GATAD1: variants seen among roughly 807,000 people sequenced by gnomAD.
The protein encoded by GATAD1 is GATA zinc finger domain-containing protein 1.
GATAD1 carries 12 observed loss-of-function variants against 26.5 expected under a neutral mutation model. That is an observed-to-expected ratio of 0.45 (90% CI 0.29 to 0.73). GATAD1 has a LOEUF of 0.73. Ranked by LOEUF, GATAD1 falls within the 30% of genes least tolerant of loss-of-function variation. The pLI, the probability that GATAD1 is intolerant of heterozygous loss-of-function variation, is 0.10. For missense variants in GATAD1, 266 were observed against 342.1 expected (o/e 0.78, Z 1.75); for synonymous variants, 129 against 133.1 (o/e 0.97, Z 0.21).
At chr7:92,467,365 C>T in the GATAD1 span, among the ~76,000 whole-genome samples, 23,004 of 152,074 alleles carry the variant, frequency 0.15, 1,786 homozygotes, top group Non-Finnish European at 0.17. Context: ...ACTGAGAAAG[C>T]ACATACAAGT....
chr7:92,449,282 A>G (rs1789316009), intron 2 of GATAD1: 1 of 778,358 alleles, frequency 1.3e-6, no homozygotes, highest in Admixed American at 6.1e-5. Context: ...AGAACTCATC[A>G]TTTGCATATT....
the GATAD1 span, chr7:92,471,255 G>T: frequency 6.0e-6 from 1 of 166,932 alleles, no homozygotes. Context: ...TCTTCTCCAG[G>T]GTAATGGCCT....
the GATAD1 span, among the ~76,000 whole-genome samples, chr7:92,480,669 T>TG: frequency 6.6e-6 from 1 of 152,004 alleles, no homozygotes; most frequent in African/African-American, 2.4e-5. Flanking sequence ...GAAGTTTCAA[T>TG]GGGGGAGTAG....
the GATAD1 span, among the ~76,000 whole-genome samples, chr7:92,481,470 G>T: frequency 1.3e-5 from 2 of 152,334 alleles, no homozygotes; most frequent in Middle Eastern, 3.4e-3. Context: ...GCCTCTAAAA[G>T]TATTAGGGCA....
chr7:92,489,585 C>T, the GATAD1 span: 8 of 1,017,524 alleles, frequency 7.9e-6, no homozygotes, highest in Non-Finnish European at 1.2e-5. Context: ...ATAACCATGA[C>T]TGAGTTAATG....
intron 2 of GATAD1, 59 bp downstream of exon 2, chr7:92,448,936 G>A: frequency 6.6e-7 from 1 of 1,522,958 alleles, no homozygotes; most frequent in Non-Finnish European, 9.1e-7. Flanking sequence ...TCCTGCCACT[G>A]CCTTCATTTC....
chr7:92,484,262 G>A, the GATAD1 span, among the ~76,000 whole-genome samples: 2 of 152,164 alleles, frequency 1.3e-5, no homozygotes, highest in African/African-American at 4.8e-5. Flanking sequence ...ACAGGCTAAG[G>A]GAGAAGAAGG....
At chr7:92,476,817 A>T in the GATAD1 span, among the ~76,000 whole-genome samples, 1 of 152,118 alleles carries the variant, frequency 6.6e-6, no homozygotes, top group Non-Finnish European at 1.5e-5. Context: ...GAGGGACACC[A>T]GGGATAAGAC....
chr7:92,473,999 C>A, the GATAD1 span, among the ~76,000 whole-genome samples: 1 of 152,112 alleles, frequency 6.6e-6, no homozygotes, highest in Non-Finnish European at 1.5e-5. Flanking sequence ...GAGGGGGCGG[C>A]TTACTTCTAC....
the GATAD1 span, chr7:92,470,456 A>C: frequency 4.9e-6 from 3 of 615,460 alleles, no homozygotes; most frequent in Non-Finnish European, 8.8e-6. Context: ...AGAGGTTCAC[A>C]GGAATAGCTA....
the GATAD1 span, chr7:92,477,508 G>C: frequency 6.6e-6 from 1 of 152,506 alleles, no homozygotes; most frequent in African/African-American, 2.4e-5. Context: ...GGCAAGCCTC[G>C]TATTCTCTGA....
At chr7:92,449,262 T>C in intron 2 of GATAD1, 1 of 798,734 alleles carries the variant, frequency 1.3e-6, no homozygotes, top group Non-Finnish European at 1.5e-6. Context: ...TCTAAGTAAA[T>C]ATTAACACTA....
the GATAD1 span, chr7:92,489,581 A>G: frequency 9.8e-7 from 1 of 1,015,752 alleles, no homozygotes; most frequent in Non-Finnish European, 1.5e-6. Context: ...GCACATAACC[A>G]TGACTGAGTT....
the GATAD1 span, among the ~76,000 whole-genome samples, chr7:92,490,816 A>G: frequency 5.3e-4 from 80 of 152,188 alleles, 1 homozygote; most frequent in Non-Finnish European, 5.9e-4. Flanking sequence ...CATTTAATCA[A>G]AACACTTTCC....
chr7:92,470,625 A>G, the GATAD1 span: 1 of 412,864 alleles, frequency 2.4e-6, no homozygotes, highest in Non-Finnish European at 4.4e-6. Context: ...ATGGGGAATT[A>G]GAGGGAAGGG....
At chr7:92,489,637 C>G in the GATAD1 span, 1 of 1,352,488 alleles carries the variant, frequency 7.4e-7, no homozygotes, top group Non-Finnish European at 1.1e-6. Context: ...GTTTATAAGT[C>G]AAAGAAATAT....
rs778933082 is a variant in GATAD1, at chr7:92,454,553, G to A, written c.487G>A (p.Gly163Arg). 6.2e-7 allele frequency: 1 copy of A among 1,612,928 alleles called. No homozygotes were observed. The highest frequency in any genetic ancestry group is 1.7e-5 in the Admixed American group (1 of 60,010). Residue 163 changes from glycine to arginine, a missense_variant, in exon 4 of 5, where the codon GGA becomes AGA. Transcript: ENST00000287957. ...TGTTTCTGTGATTGATGAACAAGAT[G>A]GAAAGCCCTACTATGCTCAAATCAG... ...DVVSVIDEQDGKPYYAQIRGF... is the reference protein window; with the variant it reads ...DVVSVIDEQDRKPYYAQIRGF...
chr7:92,449,413 T>C, intron 2 of GATAD1: 1 of 983,598 alleles, frequency 1.0e-6, no homozygotes, highest in Non-Finnish European at 1.2e-6. Flanking sequence ...GAAAAGAGAT[T>C]GTTGAAAGAC....
the GATAD1 span, among the ~76,000 whole-genome samples, chr7:92,481,090 G>C: frequency 6.6e-6 from 1 of 152,164 alleles, no homozygotes; most frequent in Admixed American, 6.5e-5. Context: ...TGATGGATGT[G>C]GAAGATTCTA....
Sources: gnomAD v4.1 joint callset for allele counts (sites outside exome capture counted in the v4.1 genomes callset) on GRCh38, gnomAD v4.1.1 for gene constraint, MANE v1.5 for transcripts, NCBI Gene and HGNC (gene_info 2026-07-23, HGNC 2026-07-21) for gene names.